Variants in NTM observed in about 807,000 individuals in gnomAD.
The protein encoded by NTM is neurotrimin.
NTM carries 13 observed loss-of-function variants against 42.1 expected under a neutral mutation model. The observed-to-expected ratio is 0.31, with a 90% CI of 0.20 to 0.49. The LOEUF (loss-of-function observed/expected upper bound fraction) is 0.49. NTM is among the 20% of genes least tolerant of loss of function. The probability of loss-of-function intolerance (pLI) is 0.99; values close to 1 mark genes in which losing one functional copy is unlikely to be tolerated. For synonymous variants in NTM, 187 were observed against 179.2 expected (o/e 1.04, Z -0.35); for missense variants, 373 against 452.8 (o/e 0.82, Z 1.60).
At chr11:131,803,430 T>A (rs1479356220) in intron 1 of NTM, among the ~76,000 whole-genome samples, 1 of 151,922 alleles carries the variant, frequency 6.6e-6, no homozygotes, top group Non-Finnish European at 1.5e-5. Flanking sequence ...TGCCTCAGCC[T>A]CCCAAGTAGC....
At chr11:131,919,941 T>A (rs2056980442) in intron 2 of NTM, among the ~76,000 whole-genome samples, 2 of 152,236 alleles carry the variant, frequency 1.3e-5, no homozygotes, top group East Asian at 3.9e-4. Flanking sequence ...CTCCTACACA[T>A]CTGTTTAGAG....
At chr11:131,716,276 C>G (rs543109224) in intron 1 of NTM, among the ~76,000 whole-genome samples, 125 of 152,296 alleles carry the variant, frequency 8.2e-4, no homozygotes, top group African/African-American at 2.9e-3. Context: ...ACCCTACCTT[C>G]TAATACCATC....
rs1051641901 is a variant in NTM at position 132,147,480 on chromosome 11, C to A, written c.400+966C>A. On this transcript the variant is annotated intron_variant, in intron 3 of 8. Transcript: ENST00000683400. ...GTCAACGTGAGGATTGAACTGTAAACGTACTGACATAGAAAACACGTAGAA... is the reference window on the plus strand; with the variant it reads ...GTCAACGTGAGGATTGAACTGTAAAAGTACTGACATAGAAAACACGTAGAA... Among the ~76,000 whole-genome samples, 10 of 152,230 alleles carry A rather than the reference C, an allele frequency of 6.6e-5. No homozygotes were observed. The East Asian group carries it at 1.4e-3, about 21-fold the overall frequency.
chr11:131,605,427 T>C (rs1411508535), intron 1 of NTM, among the ~76,000 whole-genome samples: 1 of 152,272 alleles, frequency 6.6e-6, no homozygotes, highest in African/African-American at 2.4e-5. Context: ...TTACTGAATG[T>C]ATTTCTTAGT....
chr11:131,752,187 T>G (rs1035536999), intron 1 of NTM, among the ~76,000 whole-genome samples: 2 of 152,162 alleles, frequency 1.3e-5, no homozygotes, highest in African/African-American at 2.4e-5. Flanking sequence ...AGAACCACTT[T>G]GAAAAGTTGT....
intron 4 of NTM, among the ~76,000 whole-genome samples, chr11:132,226,936 A>G (rs945506608): frequency 5.9e-5 from 9 of 152,342 alleles, no homozygotes; most frequent in Non-Finnish European, 1.2e-4. Flanking sequence ...CAAAAACTCC[A>G]AGAAAAGCAT....
intron 1 of NTM, among the ~76,000 whole-genome samples, chr11:131,495,450 C>A (rs1955238395): frequency 6.6e-6 from 1 of 152,256 alleles, no homozygotes; most frequent in Admixed American, 6.5e-5. Context: ...CTCTGCACTG[C>A]CTGTGCTGCG....
chr11:131,987,241 G>A (rs984730194), intron 2 of NTM, among the ~76,000 whole-genome samples: 3 of 152,114 alleles, frequency 2.0e-5, no homozygotes, highest in Non-Finnish European at 4.4e-5. Context: ...TTGCAAAGTT[G>A]TTCATACTAA....
rs1286064656 is a variant in NTM, at chr11:131,401,822, A to ATATATGTGTG, written c.82+30939_82+30940insGTGTGTATAT. On this transcript the variant is annotated intron_variant, in intron 1 of 8. Transcript: ENST00000683400. Reference sequence around the variant, plus strand: ...GAAATATATATATATATATATATATATATATATATATATATATATATATAT... The same window carrying ATATATGTGTG: ...GAAATATATATATATATATATATATATATATGTGTGTATATATATATATATATATATATAT... Among the ~76,000 whole-genome samples, 10 of 57,852 alleles carry ATATATGTGTG rather than the reference A, an allele frequency of 1.7e-4. No individual in the cohort carries two copies. In the South Asian group the frequency reaches 2.3e-3, roughly 14 times the overall value. The allele number at this position is 57,852 out of a possible 152,430, so 38.0% of individuals were successfully genotyped here. A position where few individuals can be genotyped will look rare whatever the true frequency, so the allele number is the denominator to read the frequency against.
chr11:131,741,207 G>C (rs1174555053), intron 1 of NTM, among the ~76,000 whole-genome samples: 11 of 126,080 alleles, frequency 8.7e-5, no homozygotes, highest in Non-Finnish European at 1.9e-4. Flanking sequence ...GAGAGAGAGA[G>C]ATGTTTTTTG....
At chr11:131,411,574 TG>T (rs1946426253) in intron 1 of NTM, among the ~76,000 whole-genome samples, 1 of 148,884 alleles carries the variant, frequency 6.7e-6, no homozygotes, top group Non-Finnish European at 1.5e-5. Flanking sequence ...TGTGTGTGTG[TG>T]TGTGTGTGTG....
At chr11:131,990,802 A>G (rs1035627518) in intron 2 of NTM, among the ~76,000 whole-genome samples, 2 of 152,192 alleles carry the variant, frequency 1.3e-5, no homozygotes, top group Non-Finnish European at 2.9e-5. Context: ...GCAAAGGATC[A>G]CATTTTCATC....
intron 2 of NTM, among the ~76,000 whole-genome samples, chr11:132,036,807 A>G (rs1013444470): frequency 2.0e-5 from 3 of 152,208 alleles, no homozygotes; most frequent in African/African-American, 7.2e-5. Context: ...GTGTGATACC[A>G]TGACACATTC....
chr11:131,684,445 C>A (rs1254029261), intron 1 of NTM, among the ~76,000 whole-genome samples: 2 of 152,260 alleles, frequency 1.3e-5, no homozygotes, highest in East Asian at 3.9e-4. Context: ...TTCTCAACAG[C>A]CTCTGAGCTG....
intron 2 of NTM, among the ~76,000 whole-genome samples, chr11:131,972,866 G>A (rs1291387225): frequency 6.6e-6 from 1 of 152,188 alleles, no homozygotes. Context: ...TGAGTGAATT[G>A]TGTGTCAGCA....
intron 1 of NTM, among the ~76,000 whole-genome samples, chr11:131,582,571 T>C (rs2058502665): frequency 1.3e-5 from 2 of 149,790 alleles, no homozygotes; most frequent in Non-Finnish European, 2.9e-5. Context: ...TTTTTAACTC[T>C]AGATGAGTCT....
At chr11:132,275,873 T>C (rs1327521794) in intron 4 of NTM, among the ~76,000 whole-genome samples, 1 of 151,540 alleles carries the variant, frequency 6.6e-6, no homozygotes, top group Non-Finnish European at 1.5e-5. Flanking sequence ...TGTTTTGTAA[T>C]ATATAATATT....
chr11:131,763,168 G>A (rs927666761), intron 1 of NTM, among the ~76,000 whole-genome samples: 3 of 151,964 alleles, frequency 2.0e-5, no homozygotes, highest in Non-Finnish European at 2.9e-5. Flanking sequence ...TAAAACCCAG[G>A]CAGCCTGACT....
chr11:131,969,926 C>T (rs1285370831), intron 2 of NTM, among the ~76,000 whole-genome samples: 1 of 152,186 alleles, frequency 6.6e-6, no homozygotes, highest in East Asian at 1.9e-4. Context: ...AGAGATCCTC[C>T]CACCTCAGGC....
Sources: gnomAD v4.1 joint callset for allele counts (sites outside exome capture counted in the v4.1 genomes callset) on GRCh38, gnomAD v4.1.1 for gene constraint, MANE v1.5 for transcripts, NCBI Gene and HGNC (gene_info 2026-07-23, HGNC 2026-07-21) for gene names.